Variants in TRPM6 observed in about 807,000 individuals in gnomAD.
TRPM6 encodes transient receptor potential cation channel subfamily M member 6.
A neutral mutation model predicts 247.6 loss-of-function variants in TRPM6; 111 were observed. That is an observed-to-expected ratio of 0.45 (90% CI 0.38 to 0.52). The LOEUF is 0.52. TRPM6 is among the 20% of genes least tolerant of loss of function. The pLI is 0.00. For missense variants in TRPM6, 2,126 were observed against 2,421.5 expected (o/e 0.88, Z 2.56); for synonymous variants, 892 against 853.8 (o/e 1.04, Z -0.78).
chr9:74,800,742 T>G lies in TRPM6; in HGVS notation c.2010-260A>C, dbSNP rs557567709. On this transcript the variant is annotated intron_variant, in intron 16 of 38. Transcript: ENST00000360774. ...TCTCCCTTTCCTGAAGGAACAGAAC[T>G]AGGAGGTTTACATTGTAGCATACAG... Among the ~76,000 whole-genome samples the G allele has an allele frequency of 5.3e-5, 8 of 151,614 alleles. No individual in the cohort carries two copies. In the South Asian group the frequency reaches 1.0e-3, roughly 20 times the overall value.
At chr9:74,758,213 A>G (rs12002738) in intron 27 of TRPM6, among the ~76,000 whole-genome samples, 14,745 of 152,204 alleles carry the variant, frequency 0.097, 801 homozygotes, top group South Asian at 0.22. Context: ...GACTGAAATA[A>G]TATCAATTCC....
intron 1 of TRPM6, among the ~76,000 whole-genome samples, chr9:74,865,047 T>C (rs1830804543): frequency 6.9e-6 from 1 of 145,940 alleles, no homozygotes; most frequent in African/African-American, 2.6e-5. Flanking sequence ...CACTCCAGCC[T>C]GGGCAATGAG....
At chr9:74,876,422 G>A (rs912639181) in intron 1 of TRPM6, among the ~76,000 whole-genome samples, 4 of 152,110 alleles carry the variant, frequency 2.6e-5, no homozygotes, top group Non-Finnish European at 5.9e-5. Flanking sequence ...GTGCCCACCT[G>A]GACAATGCAA....
At chr9:74,845,087 A>C (rs535859790) in intron 3 of TRPM6, among the ~76,000 whole-genome samples, 47 of 152,352 alleles carry the variant, frequency 3.1e-4, no homozygotes, top group Admixed American at 1.0e-3. Context: ...GTGACATCAA[A>C]GATCGCCGAT....
At chr9:74,852,703 G>A (rs1564050485) in intron 3 of TRPM6, among the ~76,000 whole-genome samples, 1 of 152,210 alleles carries the variant, frequency 6.6e-6, no homozygotes, top group Non-Finnish European at 1.5e-5. Flanking sequence ...GTGTTGGCCG[G>A]ACTTGTCTCC....
At chr9:74,856,524 T>C (rs1454384393) in intron 2 of TRPM6, among the ~76,000 whole-genome samples, 1 of 151,550 alleles carries the variant, frequency 6.6e-6, no homozygotes, top group Non-Finnish European at 1.5e-5. Context: ...GTTAAAATAA[T>C]GGAAGAAAAG....
In TRPM6 at chr9:74,786,198, T is replaced by C. The variant is rs971890462; in HGVS notation, c.2668-73A>G. 7 of 1,536,440 alleles carry C rather than the reference T, an allele frequency of 4.6e-6. No homozygotes were observed. In the East Asian group the frequency reaches 1.6e-4, roughly 35 times the overall value. On this transcript the variant is annotated intron_variant, in intron 20 of 38. Transcript: ENST00000360774. ...ATCCCATCAATATGATCTTCTTAAA[T>C]ACACAAACCATTCACTGAAAGAGTA...
chr9:74,858,232 C>A (rs534642648), intron 2 of TRPM6, among the ~76,000 whole-genome samples: 2 of 152,208 alleles, frequency 1.3e-5, no homozygotes, highest in East Asian at 3.9e-4. Flanking sequence ...ACTAAAAATA[C>A]TAAAATTAGC....
intron 19 of TRPM6, among the ~76,000 whole-genome samples, chr9:74,791,555 C>T (rs1288542924): frequency 6.6e-6 from 1 of 152,144 alleles, no homozygotes; most frequent in African/African-American, 2.4e-5. Flanking sequence ...GCACCAAACA[C>T]ATCTAAAGCA....
intron 7 of TRPM6, among the ~76,000 whole-genome samples, chr9:74,826,085 T>C (rs1221848060): frequency 6.6e-6 from 1 of 152,074 alleles, no homozygotes; most frequent in Non-Finnish European, 1.5e-5. Flanking sequence ...ATGATCACTG[T>C]ACCAAAGGAG....
intron 16 of TRPM6, among the ~76,000 whole-genome samples, chr9:74,801,654 A>T (rs1048186610): frequency 6.6e-6 from 1 of 152,166 alleles, no homozygotes; most frequent in Non-Finnish European, 1.5e-5. Flanking sequence ...AATCTGGTCA[A>T]CTGACTTGTC....
intron 11 of TRPM6, among the ~76,000 whole-genome samples, chr9:74,813,092 T>C (rs1828794120): frequency 6.6e-6 from 1 of 152,246 alleles, no homozygotes; most frequent in Non-Finnish European, 1.5e-5. Flanking sequence ...TCTTCTTTTG[T>C]TTTTGTTACT....
At chr9:74,735,810 A>C (rs1379468679) in intron 36 of TRPM6, among the ~76,000 whole-genome samples, 4 of 152,194 alleles carry the variant, frequency 2.6e-5, no homozygotes, top group African/African-American at 9.6e-5. Context: ...CTCTCCTTAG[A>C]GTACAGTTTC....
At chr9:74,795,435 C>A (rs976232400) in intron 18 of TRPM6, among the ~76,000 whole-genome samples, 1 of 152,198 alleles carries the variant, frequency 6.6e-6, no homozygotes, top group Non-Finnish European at 1.5e-5. Flanking sequence ...CCTACAAGTA[C>A]TCCCAGCTTG....
intron 1 of TRPM6, among the ~76,000 whole-genome samples, chr9:74,878,164 G>A (rs764155626): frequency 4.6e-5 from 7 of 152,186 alleles, no homozygotes; most frequent in Non-Finnish European, 7.4e-5. Context: ...TTCAACACCA[G>A]CATGGATCAC....
chr9:74,724,585 G>A lies in TRPM6; in HGVS notation c.*28C>T. ...ACAGAGTTCCTGGCAGGCAGGGCAA[G>A]CACTGGGATCTTCTTGCTCCTCCCT... On this transcript the variant is annotated 3_prime_UTR_variant, in exon 39 of 39. Coordinates refer to ENST00000360774, the MANE Select transcript of TRPM6 (RefSeq NM_017662.5). 6.2e-7 allele frequency: 1 copy of A among 1,613,998 alleles called. No individual in the cohort carries two copies. Among genetic ancestry groups the A allele is most frequent in the Non-Finnish European group, 8.5e-7 (1 of 1,179,990 alleles).
At chr9:74,834,621 C>G (rs914120666) in intron 5 of TRPM6, among the ~76,000 whole-genome samples, 1 of 149,888 alleles carries the variant, frequency 6.7e-6, no homozygotes, top group Admixed American at 6.7e-5. Flanking sequence ...CCCCCACCCC[C>G]TGACAGGCCC....
Position 74,732,707 on chromosome 9 carries a change from C to A in TRPM6, c.5806G>T (p.Val1936Phe). The A allele has an allele frequency of 6.2e-7, 1 of 1,609,204 alleles. No individual in the cohort carries two copies. Among genetic ancestry groups the A allele is most frequent in the Non-Finnish European group, 8.5e-7 (1 of 1,177,558 alleles). ...GVGENLTDPS[V>F]IKPEVKQSRG... Reference sequence around the variant, plus strand: ...TACTGTTTGACTTCAGGTTTTATAACAGATGGATCTGTCAAATTTTCTCCA... The same window carrying A: ...TACTGTTTGACTTCAGGTTTTATAAAAGATGGATCTGTCAAATTTTCTCCA... Residue 1936 changes from valine (V) to phenylalanine (F), a missense_variant, in exon 37 of 39, where the codon GTT becomes TTT. Val to Phe is a conservative substitution (Grantham distance 50). This residue lies in a region of TRPM6 where 327 missense variants were observed against 397.7 expected (regional missense o/e 0.82). Transcript: ENST00000360774.
At chr9:74,837,146 C>T (rs1330649383) in intron 5 of TRPM6, among the ~76,000 whole-genome samples, 1 of 152,184 alleles carries the variant, frequency 6.6e-6, no homozygotes, top group African/African-American at 2.4e-5. Context: ...TTGTGGCATT[C>T]AATTTAAGTA....
Sources: allele counts gnomAD v4.1 joint callset (sites outside exome capture counted in the v4.1 genomes callset), GRCh38; gene constraint gnomAD v4.1.1; regional missense constraint gnomAD v4.1.1; transcripts MANE v1.5; gene names NCBI Gene and HGNC (gene_info 2026-07-23, HGNC 2026-07-21).